Variants in HS1BP3 observed in about 807,000 individuals in gnomAD.
HS1BP3 encodes the protein HCLS1-binding protein 3.
Under a neutral mutation model 33.5 loss-of-function variants are expected in HS1BP3, and 32 were observed. The ratio of observed to expected loss-of-function variants is 0.95; its 90% CI spans 0.72 to 1.28. The LOEUF (loss-of-function observed/expected upper bound fraction) is 1.28, where lower values mean the gene tolerates loss of function less well. HS1BP3 is among the 50% of genes most tolerant of loss of function. The pLI is 0.00. For synonymous variants in HS1BP3, 187 were observed against 209.2 expected, an observed-to-expected ratio of 0.89 and a Z score of 0.92; for missense variants, 486 against 502.3, an observed-to-expected ratio of 0.97 and a Z score of 0.31.
At chr2:20,647,949 G>A (rs1217568144) in intron 1 of HS1BP3, among the ~76,000 whole-genome samples, 1 of 152,194 alleles carries the variant, frequency 6.6e-6, no homozygotes, top group East Asian at 1.9e-4. Context: ...GAGACCATCG[G>A]AGAACATCCT....
rs1695483406 is a variant in HS1BP3, at chr2:20,645,325, G to A, written c.198+15C>T. The stretch of plus-strand genomic sequence containing the variant: ...GGGCACCCTCGAAACATCCTGGCCA[G>A]AGCCTCCGGCTCACCAAGAACTGGA... On this transcript the variant is annotated intron_variant, in intron 2 of 6. Coordinates refer to ENST00000304031, the MANE Select transcript of HS1BP3 (RefSeq NM_022460.4). 2 of 1,611,300 alleles carry A rather than the reference G, an allele frequency of 1.2e-6. No homozygotes were observed. Among genetic ancestry groups the A allele is most frequent in the Non-Finnish European group, 1.7e-6 (2 of 1,178,722 alleles).
At chr2:20,597,949 A>G (rs1425630774) in intron 3 of HS1BP3, among the ~76,000 whole-genome samples, 1 of 152,134 alleles carries the variant, frequency 6.6e-6, no homozygotes, top group Non-Finnish European at 1.5e-5. Context: ...CTCAGTGCCT[A>G]GAGCCAGGCT....
At chr2:20,647,747 G>A (rs895336948) in intron 1 of HS1BP3, among the ~76,000 whole-genome samples, 15 of 152,026 alleles carry the variant, frequency 9.9e-5, no homozygotes, top group Non-Finnish European at 1.8e-4. Flanking sequence ...CAGCTGCTAC[G>A]GAGAGTACAT....
At position 20,621,545 on chromosome 2, in the gene HS1BP3, C is replaced by A. The variant is rs927296188; in HGVS notation, c.921-2300G>T. Among the ~76,000 whole-genome samples, 5 of 152,232 alleles carry A rather than the reference C, an allele frequency of 3.3e-5. No individual in the cohort carries two copies. In the South Asian group the frequency reaches 8.3e-4, roughly 25 times the overall value. On this transcript the variant is annotated intron_variant, in intron 6 of 6. Coordinates refer to ENST00000304031, the MANE Select transcript of HS1BP3 (RefSeq NM_022460.4). The stretch of plus-strand genomic sequence containing the variant: ...TTCCGGAGCTCCCTCCAAGTGGCAG[C>A]CCTTCCTTGACTCCCCCAGGGCAGG...
At chr2:20,594,988 C>T (rs1458067092) in intron 3 of HS1BP3, among the ~76,000 whole-genome samples, 1 of 152,158 alleles carries the variant, frequency 6.6e-6, no homozygotes, top group Non-Finnish European at 1.5e-5. Context: ...TTTCAACATA[C>T]ACGTTGTCGG....
At chr2:20,559,643 GATGGATGGATGGGTGC>G (rs67480745), downstream of HS1BP3, among the ~76,000 whole-genome samples, 103,023 of 147,518 alleles carry the variant, frequency 0.7, 40,933 homozygotes, top group Non-Finnish European at 0.86. Context: ...TAGGTAGATG[GATGGATGGATGGGTGC>G]ATGGATGGAT....
At chr2:20,635,439 G>C (rs1014195064) in intron 4 of HS1BP3, 7 of 152,190 alleles carry the variant, frequency 4.6e-5, no homozygotes, top group African/African-American at 1.7e-4. Flanking sequence ...TTGGCAGTAA[G>C]ATGTGAATAT....
At chr2:20,638,148 G>C (rs780347105) in intron 4 of HS1BP3, 38 of 570,146 alleles carry the variant, frequency 6.7e-5, no homozygotes, top group Non-Finnish European at 1.1e-4. Context: ...CTACTGAGCT[G>C]TCACGGAGGA....
At chr2:20,556,742 T>C (rs1865675), downstream of HS1BP3, among the ~76,000 whole-genome samples, 144,593 of 152,278 alleles carry the variant, frequency 0.95, 69,099 homozygotes, top group East Asian at 1. Flanking sequence ...AGTTGCTGCA[T>C]TTTAGTTTAA....
At chr2:20,639,546 T>G (rs867086084) in intron 3 of HS1BP3, among the ~76,000 whole-genome samples, 2 of 152,152 alleles carry the variant, frequency 1.3e-5, no homozygotes, top group African/African-American at 4.8e-5. Flanking sequence ...ACTTAGAGAG[T>G]GTCTGGCATA....
rs149466434 is a variant in HS1BP3, at chr2:20,593,560, G to A, written c.*13-766C>T. ...CACCTCTGAGCTCCTGGTGTACCTC[G>A]GTTCTCATGAGGCCCCCGCACTTCA... On this transcript the variant is annotated intron_variant, in intron 3 of 3. Coordinates refer to the HS1BP3 transcript ENST00000415264. Among the ~76,000 whole-genome samples, 57 of 152,154 alleles carry A rather than the reference G, an allele frequency of 3.7e-4. 1 individual carries two copies. Among genetic ancestry groups the A allele is most frequent in the East Asian group, 2.7e-3 (14 of 5,166 alleles).
At chr2:20,566,046 G>A (rs751655790) in intron 5 of HS1BP3, among the ~76,000 whole-genome samples, 17 of 152,196 alleles carry the variant, frequency 1.1e-4, no homozygotes, top group South Asian at 2.1e-4. Context: ...CACCAAGGTC[G>A]CAGTTAGCAA....
downstream of HS1BP3, among the ~76,000 whole-genome samples, chr2:20,616,209 T>C (rs1292643669): frequency 6.6e-6 from 1 of 152,204 alleles, no homozygotes; most frequent in Non-Finnish European, 1.5e-5. Flanking sequence ...CCAAAGTGCC[T>C]GTCCTCAGGA....
intron 5 of HS1BP3, among the ~76,000 whole-genome samples, chr2:20,564,065 C>T (rs116229906): frequency 3.5e-4 from 54 of 152,308 alleles, no homozygotes; most frequent in African/African-American, 1.3e-3. Context: ...GATCCTAGCA[C>T]GGCAAGTCCA....
rs1368975627 is a variant in HS1BP3, at chr2:20,601,106, C to A, written c.179-2841G>T. Among the ~76,000 whole-genome samples, 3 of 152,160 alleles carry A rather than the reference C, an allele frequency of 2.0e-5. No individual in the cohort carries two copies. In the East Asian group the frequency reaches 5.8e-4, roughly 29 times the overall value. On this transcript the variant is annotated intron_variant, in intron 2 of 3. Coordinates refer to the HS1BP3 transcript ENST00000415264. Reference sequence around the variant, plus strand: ...TCTCATGCCTTCTTGCAATTGAGTACAATGAAAATAGTTTATCATTAGCTT... The same window carrying A: ...TCTCATGCCTTCTTGCAATTGAGTAAAATGAAAATAGTTTATCATTAGCTT...
intron 6 of HS1BP3, among the ~76,000 whole-genome samples, chr2:20,621,535 C>T (rs2149290401): frequency 6.6e-6 from 1 of 152,370 alleles, no homozygotes; most frequent in South Asian, 2.1e-4. Flanking sequence ...GAGCTCCCTC[C>T]AAGTGGCAGC....
intron 1 of HS1BP3, among the ~76,000 whole-genome samples, chr2:20,647,532 T>A (rs59004329): frequency 0.027 from 4,102 of 152,234 alleles, 163 homozygotes; most frequent in African/African-American, 0.09. Context: ...TGGATCAGGA[T>A]CAGCATCGCC....
In HS1BP3 at chr2:20,605,930, G is replaced by A. The variant is rs552160532; in HGVS notation, c.179-7665C>T. Among the ~76,000 whole-genome samples, 9 of 152,156 alleles carry A rather than the reference G, an allele frequency of 5.9e-5. No individual in the cohort carries two copies. The East Asian group carries it at 1.3e-3, about 23-fold the overall frequency. On this transcript the variant is annotated intron_variant, in intron 2 of 3. Coordinates refer to the HS1BP3 transcript ENST00000415264. ...GAACATTCTTGCATGAGTTTTGTTCGAACCCCTGTCTTCAATTCTTTGGGG... is the reference window on the plus strand; with the variant it reads ...GAACATTCTTGCATGAGTTTTGTTCAAACCCCTGTCTTCAATTCTTTGGGG...
At chr2:20,584,272 C>T (rs1693628351) in intron 5 of HS1BP3, among the ~76,000 whole-genome samples, 1 of 152,202 alleles carries the variant, frequency 6.6e-6, no homozygotes, top group African/African-American at 2.4e-5. Context: ...GCCATGCTGG[C>T]AGAAGAGAGA....
Sources: allele counts gnomAD v4.1 joint callset (sites outside exome capture counted in the v4.1 genomes callset), GRCh38; gene constraint gnomAD v4.1.1; transcripts MANE v1.5; gene names NCBI Gene and HGNC (gene_info 2026-07-23, HGNC 2026-07-21).